TYK2: variants seen among roughly 807,000 people sequenced by gnomAD.
The protein encoded by TYK2 is non-receptor tyrosine-protein kinase TYK2.
Under a neutral mutation model 130.9 loss-of-function variants are expected in TYK2, and 65 were observed. The observed-to-expected ratio is 0.50, with a 90% CI of 0.41 to 0.61. The LOEUF is 0.61. Among genes scored for constraint, TYK2 ranks in the 20% least tolerant of loss-of-function variants. TYK2 has a pLI of 0.00. For missense variants in TYK2, 1,378 were observed against 1,610.7 expected (o/e 0.86, Z 2.47); for synonymous variants, 647 against 658.9 (o/e 0.98, Z 0.28).
rs2040757100 is a variant in TYK2 at position 10,350,741 on chromosome 19, C to G, written c.*93G>C. On this transcript the variant is annotated 3_prime_UTR_variant, in exon 25 of 25. Transcript: ENST00000525621. ...ACACGGTGTGGGTGAGGCTGACATC[C>G]CCCTCTTGGTTTCATCCTGGAGCAG... The G allele has an allele frequency of 1.4e-6, 2 of 1,479,662 alleles. No homozygotes were observed. The highest frequency in any genetic ancestry group is 1.9e-6 in the Non-Finnish European group (2 of 1,075,542). 91.7% of individuals were successfully genotyped at this position (1,479,662 alleles called of 1,614,324 possible). A position where few individuals can be genotyped will look rare whatever the true frequency, so the allele number is the denominator to read the frequency against.
At position 10,353,056 on chromosome 19, in the gene TYK2, G is replaced by T. The variant is rs566658678; in HGVS notation, c.3070C>A (p.Leu1024Ile). ...TCCAGCAGCACGTTGCGCGCGGCTAGGTCTCGGTGGATGTAGTGCTGCGCG... is the reference window on the plus strand; with the variant it reads ...TCCAGCAGCACGTTGCGCGCGGCTATGTCTCGGTGGATGTAGTGCTGCGCG... The part of the protein sequence containing the change: ...LHAQHYIHRD[L>I]AARNVLLDND... The change falls in exon 22 of 25, where the codon CTA (leucine) becomes ATA (isoleucine). Residue 1024 changes from leucine (L) to isoleucine (I), a missense_variant. Coordinates refer to ENST00000525621, the MANE Select transcript of TYK2 (RefSeq NM_003331.5). This position sits in a 1 kb window ranked among gnomAD's most constrained non-coding sequence, Gnocchi z 6.9. The T allele has an allele frequency of 1.3e-6, 2 of 1,585,784 alleles. No homozygotes were observed. Among genetic ancestry groups the T allele is most frequent in the African/African-American group, 1.3e-5 (1 of 74,574 alleles).
At position 10,380,465 on chromosome 19, in the gene TYK2, G is replaced by A. The variant is rs2042323098; in HGVS notation, c.-271C>T. On this transcript the variant is annotated 5_prime_UTR_variant, in exon 1 of 25. Transcript: ENST00000525621. ...CAGCCAGTCCCCGCGGCTTCTTCCT[G>A]AGGACCTCCGGCCGCGCTCCTTCCG... The A allele has an allele frequency of 1.3e-5, 2 of 152,598 alleles. No individual in the cohort carries two copies. The highest frequency in any genetic ancestry group is 4.8e-5 in the African/African-American group (2 of 41,474). The allele number at this position is 152,598 out of a possible 1,614,324, so 9.5% of individuals were successfully genotyped here. A position where few individuals can be genotyped will look rare whatever the true frequency, so the allele number is the denominator to read the frequency against.
At chr19:10,363,142 C>CTGGGATTA (rs2145227895) in intron 9 of TYK2, among the ~76,000 whole-genome samples, 1 of 151,156 alleles carries the variant, frequency 6.6e-6, no homozygotes, top group East Asian at 1.9e-4. Context: ...TCCCAAAGTG[C>CTGGGATTA]TGGGATTACA....
intron 5 of TYK2, 29 bp downstream of exon 5, chr19:10,368,026 T>G: frequency 6.2e-7 from 1 of 1,613,412 alleles, no homozygotes; most frequent in Non-Finnish European, 8.5e-7. Context: ...CTCCCACAAA[T>G]AGTCTTGCCA....
At chr19:10,371,590 C>G (rs1040344371) in intron 3 of TYK2, among the ~76,000 whole-genome samples, 4 of 151,832 alleles carry the variant, frequency 2.6e-5, no homozygotes, top group African/African-American at 9.7e-5. Context: ...GAGCTGAGAT[C>G]GTGCTATTGC....
intron 3 of TYK2, among the ~76,000 whole-genome samples, chr19:10,373,739 G>A (rs540492244): frequency 6.4e-4 from 97 of 152,168 alleles, no homozygotes; most frequent in Non-Finnish European, 7.9e-4. Context: ...CATTGCTCCC[G>A]GAGAATGCCC....
In TYK2 at chr19:10,374,222, C is replaced by T. The variant is rs528507748; in HGVS notation, c.193+3992G>A. Among the ~76,000 whole-genome samples the T allele has an allele frequency of 3.2e-3, 479 of 151,668 alleles. 6 individuals are homozygous for T. The highest frequency in any genetic ancestry group is 0.011 in the African/African-American group (457 of 41,334). ...CGGAGCTTGCAGTGAGCTGAGATCG[C>T]GCCACTGCACTCCAGCCTGGGCGAC... On this transcript the variant is annotated intron_variant, in intron 3 of 24. Coordinates refer to ENST00000525621, the MANE Select transcript of TYK2 (RefSeq NM_003331.5).
chr19:10,371,456 A>C (rs983128282), intron 3 of TYK2, among the ~76,000 whole-genome samples: 3 of 151,690 alleles, frequency 2.0e-5, no homozygotes, highest in Non-Finnish European at 4.4e-5. Context: ...GCCTGACCAA[A>C]ATGGAGAAAC....
chr19:10,367,904 A>G, intron 5 of TYK2, 151 bp downstream of exon 5: 1 of 885,912 alleles, frequency 1.1e-6, no homozygotes, highest in East Asian at 2.7e-5. Context: ...TGGGCGACAG[A>G]GCAAGACTCC....
chr19:10,351,274 G>C (rs535601966), intron 23 of TYK2, 112 bp from the exon 24 acceptor site: 1 of 808,354 alleles, frequency 1.2e-6, no homozygotes, highest in Non-Finnish European at 2.1e-6. Context: ...ATCACCTGAG[G>C]TCAGGAGTTC....
chr19:10,358,257 C>A (rs1229183096), intron 15 of TYK2, 119 bp from the exon 16 acceptor site: 44 of 624,240 alleles, frequency 7.0e-5, no homozygotes, highest in Non-Finnish European at 9.4e-5. Flanking sequence ...CACTGGGTTT[C>A]TTTCTGTTTT....
In TYK2 at chr19:10,365,568, G is replaced by T. The variant is rs781737492; in HGVS notation, c.960C>A (p.Gly320=). Residue 320 remains glycine, a synonymous_variant, in exon 7 of 25, where the codon GGC becomes GGA. Transcript: ENST00000525621. ...GPPTHEVLVT[G]TGGIQWWPVE... ...CTGGCCACCACTGGATGCCACCAGT[G>T]CCTGTCACCAGCACCTCGTGGGTTG... 2.5e-6 allele frequency: 4 copies of T among 1,614,090 alleles called. No homozygotes were observed. The highest frequency in any genetic ancestry group is 3.4e-6 in the Non-Finnish European group (4 of 1,180,032).
intron 18 of TYK2, among the ~76,000 whole-genome samples, chr19:10,355,556 C>T (rs12720357): frequency 0.01 from 1,515 of 150,348 alleles, 18 homozygotes; most frequent in Non-Finnish European, 0.016. Flanking sequence ...AGGAGAATTG[C>T]TCGAACCCAG....
At chr19:10,378,705 G>A (rs2042257568) in intron 2 of TYK2, among the ~76,000 whole-genome samples, 1 of 152,142 alleles carries the variant, frequency 6.6e-6, no homozygotes, top group Admixed American at 6.6e-5. Context: ...CTCTGGCCAG[G>A]TACAGTGGCT....
intron 18 of TYK2, among the ~76,000 whole-genome samples, chr19:10,354,906 A>T (rs79839951): frequency 6.6e-6 from 1 of 151,716 alleles, no homozygotes; most frequent in Non-Finnish European, 1.5e-5. Flanking sequence ...AAAAAAAAAA[A>T]TTAGCCAGGT....
At chr19:10,360,871 G>A (rs1268640381) in intron 14 of TYK2, 1 of 218,852 alleles carries the variant, frequency 4.6e-6, no homozygotes, top group Non-Finnish European at 9.5e-6. Context: ...TTCCATTCCA[G>A]CCTCACAAGT....
In TYK2 at chr19:10,361,009, C is replaced by A. The variant is rs190716533; in HGVS notation, c.2047+502G>T. ...GGTTTAAGCGATCCTCCCACCTCTG[C>A]CTCCCAAAGTGCTGGGATAGGTGTG... On this transcript the variant is annotated intron_variant, in intron 14 of 24. Transcript: ENST00000525621. The surrounding 1 kb of genome is among the most constrained non-coding windows in gnomAD (Gnocchi z 4.0). 2.3e-5 allele frequency: 9 copies of A among 384,892 alleles called. No individual in the cohort carries two copies. The East Asian group carries it at 3.0e-4, about 13-fold the overall frequency. The allele number at this position is 384,892 out of a possible 1,614,324, so 23.8% of individuals were successfully genotyped here.
Position 10,369,770 on chromosome 19 carries a change from G to A in TYK2, c.194-1352C>T, listed in dbSNP as rs138615517. The A allele has an allele frequency of 9.0e-5, 41 of 453,056 alleles. No individual in the cohort carries two copies. In the East Asian group the frequency reaches 2.6e-3, roughly 29 times the overall value. The allele number at this position is 453,056 out of a possible 1,614,324, so 28.1% of individuals were successfully genotyped here. A position where few individuals can be genotyped will look rare whatever the true frequency, so the allele number is the denominator to read the frequency against. ...TAAAAATTGTACCTGTCGGCCGGGCGCAGTGGCTCACGCCTATAATCCCAG... is the reference window on the plus strand; with the variant it reads ...TAAAAATTGTACCTGTCGGCCGGGCACAGTGGCTCACGCCTATAATCCCAG... On this transcript the variant is annotated intron_variant, in intron 3 of 24. Transcript: ENST00000525621.
chr19:10,362,177 G>C lies in TYK2; in HGVS notation c.1674C>G (p.Thr558=), dbSNP rs779565527. ...RRCCLPQPGE[T]SNLIIMRGAR... is the part of the protein sequence containing the mutation. ...CCCCCCGCATGATGATGAGATTGGA[G>C]GTTTCTGGGGGCAGGCATCAAGTCA... Residue 558 remains threonine (T), a synonymous_variant, in exon 12 of 25, where the codon ACC becomes ACG. Transcript: ENST00000525621. 6.2e-7 allele frequency: 1 copy of C among 1,614,010 alleles called. No homozygotes were observed.
Sources: allele counts gnomAD v4.1 joint callset (sites outside exome capture counted in the v4.1 genomes callset), GRCh38; gene constraint gnomAD v4.1.1; non-coding constraint Gnocchi (gnomAD v3.1); transcripts MANE v1.5; gene names NCBI Gene and HGNC (gene_info 2026-07-23, HGNC 2026-07-21).